Variants in ERBB4 observed in about 807,000 individuals in gnomAD.
ERBB4 encodes erb-b2 receptor tyrosine kinase 4.
In ERBB4, 42 loss-of-function variants were observed where a neutral mutation model predicts 158.0. That is an observed-to-expected ratio of 0.27 (90% CI 0.21 to 0.34). The LOEUF is 0.34. Ranked by LOEUF, ERBB4 falls within the 10% of genes least tolerant of loss-of-function variation. The pLI is 1.00. For synonymous variants in ERBB4, 583 were observed against 558.7 expected, an observed-to-expected ratio of 1.04 and a Z score of -0.61; for missense variants, 1,333 against 1,624.1, an observed-to-expected ratio of 0.82 and a Z score of 3.08.
At chr2:211,562,606 TC>T (rs1464768915) in intron 19 of ERBB4, among the ~76,000 whole-genome samples, 1 of 152,134 alleles carries the variant, frequency 6.6e-6, no homozygotes, top group African/African-American at 2.4e-5. Flanking sequence ...AAGTAATATG[TC>T]TATTGTCAAT....
At chr2:211,758,686 A>G (rs958320920) in intron 4 of ERBB4, among the ~76,000 whole-genome samples, 3 of 152,218 alleles carry the variant, frequency 2.0e-5, no homozygotes, top group Non-Finnish European at 4.4e-5. Context: ...AATAATAATG[A>G]GCACTTACTA....
chr2:211,643,355 T>C (rs1431643771), intron 16 of ERBB4, among the ~76,000 whole-genome samples: 1 of 152,048 alleles, frequency 6.6e-6, no homozygotes, highest in South Asian at 2.1e-4. Flanking sequence ...TAAAATGATA[T>C]ACGTTCTGGT....
intron 3 of ERBB4, among the ~76,000 whole-genome samples, chr2:211,846,831 A>T (rs1034415396): frequency 2.0e-5 from 3 of 152,168 alleles, no homozygotes; most frequent in Non-Finnish European, 4.4e-5. Context: ...AGTTTAAAAA[A>T]ATCCATCTTA....
chr2:211,599,438 C>T (rs189314725), intron 19 of ERBB4, among the ~76,000 whole-genome samples: 265 of 151,074 alleles, frequency 1.8e-3, no homozygotes, highest in Middle Eastern at 3.4e-3. Context: ...TAACTGGTCA[C>T]GCTAATTTCA....
In ERBB4 at chr2:212,446,585, ATATATGT is replaced by A. The variant is rs2092354363; in HGVS notation, c.82+91857_82+91863del. 2.0e-4 allele frequency among the ~76,000 whole-genome samples: 4 copies of A among 19,992 alleles called. 1 individual carries two copies. In the African/African-American group the frequency reaches 2.5e-3, roughly 12 times the overall value. The allele number at this position is 19,992 out of a possible 152,430, so 13.1% of individuals were successfully genotyped here. ...TAATACTTAATAAACTCCCATATAT[ATATATGT>A]ATATATATATATATATATATATATA... On this transcript the variant is annotated intron_variant, in intron 1 of 27. Coordinates refer to ENST00000342788, the MANE Select transcript of ERBB4 (RefSeq NM_005235.3).
At chr2:211,784,927 A>T (rs2076121793) in intron 4 of ERBB4, among the ~76,000 whole-genome samples, 1 of 151,982 alleles carries the variant, frequency 6.6e-6, no homozygotes, top group Admixed American at 6.6e-5. Flanking sequence ...TGTCTATACA[A>T]ATCTTTTGCT....
chr2:212,373,606 A>T (rs2090158262), intron 1 of ERBB4, among the ~76,000 whole-genome samples: 1 of 151,158 alleles, frequency 6.6e-6, no homozygotes, highest in Non-Finnish European at 1.5e-5. Context: ...AGTGAAAAGG[A>T]TACAAAATGG....
At chr2:211,779,271 T>C (rs950531626) in intron 4 of ERBB4, 4 of 152,238 alleles carry the variant, frequency 2.6e-5, no homozygotes, top group African/African-American at 9.6e-5. Flanking sequence ...AATTTTCCTT[T>C]TCACAGTAGA....
chr2:211,709,267 A>ATG (rs1559443120), intron 9 of ERBB4, among the ~76,000 whole-genome samples: 1,899 of 143,400 alleles, frequency 0.013, 47 homozygotes, highest in African/African-American at 0.047. Flanking sequence ...ATATATATAT[A>ATG]TATATATACA....
chr2:211,873,426 T>C (rs2078404643), intron 3 of ERBB4, among the ~76,000 whole-genome samples: 1 of 151,914 alleles, frequency 6.6e-6, no homozygotes, highest in African/African-American at 2.4e-5. Context: ...TTTCTCTTCA[T>C]AATACAAAAA....
intron 1 of ERBB4, among the ~76,000 whole-genome samples, chr2:212,249,778 T>C (rs2084460429): frequency 6.6e-6 from 1 of 152,052 alleles, no homozygotes; most frequent in African/African-American, 2.4e-5. Flanking sequence ...TGTATTATGC[T>C]TGTCAACCAA....
intron 1 of ERBB4, among the ~76,000 whole-genome samples, chr2:212,134,192 GT>G (rs34718063): frequency 7.3e-5 from 11 of 151,162 alleles, no homozygotes; most frequent in South Asian, 2.1e-4. Context: ...GTTTTGAGAA[GT>G]TTTTTTTTAA....
rs138959818 is a variant in ERBB4, at chr2:211,435,291, G to T, written c.2488-4191C>A. 5.2e-3 allele frequency among the ~76,000 whole-genome samples: 795 copies of T among 152,292 alleles called. 8 individuals carry two copies. The highest frequency in any genetic ancestry group is 0.018 in the African/African-American group (751 of 41,564). Reference sequence around the variant, plus strand: ...GGCCAGCTTGAGTAAATTAGGAGAAGAATAATACTGACAGCAACCACAGTT... The same window carrying T: ...GGCCAGCTTGAGTAAATTAGGAGAATAATAATACTGACAGCAACCACAGTT... On this transcript the variant is annotated intron_variant, in intron 20 of 27. Transcript: ENST00000342788.
At chr2:212,446,623 ATATATATATATATATC>A (rs2092361302) in intron 1 of ERBB4, among the ~76,000 whole-genome samples, 1 of 78,200 alleles carries the variant, frequency 1.3e-5, no homozygotes, top group Non-Finnish European at 2.5e-5. Context: ...ATATATATAT[ATATATATATATATATC>A]CTATTAGTTC....
intron 1 of ERBB4, among the ~76,000 whole-genome samples, chr2:212,168,825 G>C (rs1344044201): frequency 2.0e-5 from 3 of 152,118 alleles, no homozygotes; most frequent in African/African-American, 4.8e-5. Context: ...CTGAAGCACA[G>C]AATCTTTGTA....
chr2:211,515,820 G>A (rs959172335), intron 20 of ERBB4, among the ~76,000 whole-genome samples: 12 of 149,234 alleles, frequency 8.0e-5, no homozygotes, highest in Non-Finnish European at 1.5e-4. Context: ...AAGCCAGGCA[G>A]CTAAGTCAAG....
intron 2 of ERBB4, among the ~76,000 whole-genome samples, chr2:212,018,050 G>C (rs925601652): frequency 2.6e-5 from 4 of 152,070 alleles, no homozygotes; most frequent in African/African-American, 9.7e-5. Context: ...ATATAATTTA[G>C]GGCTAAAGAA....
At chr2:211,716,573 G>T (rs1291099624) in intron 7 of ERBB4, among the ~76,000 whole-genome samples, 1 of 151,930 alleles carries the variant, frequency 6.6e-6, no homozygotes, top group Non-Finnish European at 1.5e-5. Context: ...CTACTCGGGA[G>T]GCTGAGGCAG....
intron 2 of ERBB4, among the ~76,000 whole-genome samples, chr2:212,005,584 T>C (rs2125293307): frequency 6.6e-6 from 1 of 151,796 alleles, no homozygotes; most frequent in South Asian, 2.1e-4. Flanking sequence ...TTTGGGAGAG[T>C]GTTCCAAACA....
Sources: gnomAD v4.1 joint callset for allele counts (sites outside exome capture counted in the v4.1 genomes callset) on GRCh38, gnomAD v4.1.1 for gene constraint, MANE v1.5 for transcripts, NCBI Gene and HGNC (gene_info 2026-07-23, HGNC 2026-07-21) for gene names.